Variants in OPCML observed in about 807,000 individuals in gnomAD.
OPCML encodes the protein opioid-binding protein/cell adhesion molecule.
A neutral mutation model predicts 37.8 loss-of-function variants in OPCML; 13 were observed. The observed-to-expected ratio is 0.34, with a 90% CI of 0.22 to 0.55. The LOEUF is 0.55. Among genes scored for constraint, OPCML ranks in the 20% least tolerant of loss-of-function variants. The pLI is 0.91. For synonymous variants in OPCML, 176 were observed against 168.8 expected (o/e 1.04, Z -0.33); for missense variants, 341 against 435.6 (o/e 0.78, Z 1.93).
At chr11:132,507,926 A>C (rs2096260900) in intron 4 of OPCML, among the ~76,000 whole-genome samples, 1 of 152,142 alleles carries the variant, frequency 6.6e-6, no homozygotes, top group South Asian at 2.1e-4. Flanking sequence ...GGGAAAAAAT[A>C]ATATGACTAT....
chr11:133,259,105 C>T (rs936967355), intron 1 of OPCML, among the ~76,000 whole-genome samples: 18 of 152,218 alleles, frequency 1.2e-4, no homozygotes, highest in African/African-American at 3.9e-4. Flanking sequence ...ATTGTTCAAC[C>T]TTTCCTACCT....
chr11:133,463,463 T>C (rs1946906172), intron 1 of OPCML, among the ~76,000 whole-genome samples: 1 of 152,194 alleles, frequency 6.6e-6, no homozygotes, highest in Non-Finnish European at 1.5e-5. Flanking sequence ...ACAACATTAT[T>C]TTAAGGGCTT....
intron 2 of OPCML, among the ~76,000 whole-genome samples, chr11:132,893,959 G>A (rs114257031): frequency 0.016 from 2,456 of 152,146 alleles, 74 homozygotes; most frequent in African/African-American, 0.056. Flanking sequence ...CTAAAGATGC[G>A]TCTTTACATC....
At chr11:133,189,531 T>C (rs1938220021) in intron 1 of OPCML, among the ~76,000 whole-genome samples, 1 of 152,232 alleles carries the variant, frequency 6.6e-6, no homozygotes. Flanking sequence ...TCCATTGTTA[T>C]AAATACTGGA....
chr11:132,914,675 G>A (rs1012526941), intron 2 of OPCML, among the ~76,000 whole-genome samples: 1 of 152,132 alleles, frequency 6.6e-6, no homozygotes, highest in South Asian at 2.1e-4. Context: ...CCAGGATGTC[G>A]AACTGCCTGT....
intron 1 of OPCML, among the ~76,000 whole-genome samples, chr11:133,138,772 C>G (rs1314368706): frequency 6.6e-6 from 1 of 152,060 alleles, no homozygotes; most frequent in East Asian, 1.9e-4. Flanking sequence ...CTCTAAGACC[C>G]TCAGATGGTC....
intron 2 of OPCML, among the ~76,000 whole-genome samples, chr11:132,803,271 A>G (rs1353853106): frequency 6.6e-6 from 1 of 152,204 alleles, no homozygotes; most frequent in African/African-American, 2.4e-5. Flanking sequence ...AAGAAAATCA[A>G]TGCACATGTG....
intron 1 of OPCML, among the ~76,000 whole-genome samples, chr11:133,251,693 G>A (rs963209965): frequency 6.6e-6 from 1 of 152,110 alleles, no homozygotes; most frequent in African/African-American, 2.4e-5. Context: ...GTATCAAAGA[G>A]TCTGTCAAAA....
At chr11:133,119,344 C>T (rs1202832360) in intron 1 of OPCML, among the ~76,000 whole-genome samples, 3 of 151,328 alleles carry the variant, frequency 2.0e-5, no homozygotes, top group Non-Finnish European at 4.4e-5. Flanking sequence ...TTCAAATATA[C>T]ATTTGGAATT....
At chr11:133,345,844 G>A (rs1943989559) in intron 1 of OPCML, among the ~76,000 whole-genome samples, 1 of 152,096 alleles carries the variant, frequency 6.6e-6, no homozygotes, top group South Asian at 2.1e-4. Flanking sequence ...GGTCCTTTCT[G>A]TCTGATACAC....
At chr11:132,562,980 T>C (rs1055267670) in intron 3 of OPCML, among the ~76,000 whole-genome samples, 2 of 152,194 alleles carry the variant, frequency 1.3e-5, no homozygotes, top group Non-Finnish European at 2.9e-5. Context: ...TAGGCAATGT[T>C]ACTCCATAAA....
chr11:133,032,723 G>A (rs1947697831), intron 1 of OPCML, among the ~76,000 whole-genome samples: 1 of 152,188 alleles, frequency 6.6e-6, no homozygotes, highest in Non-Finnish European at 1.5e-5. Flanking sequence ...GAATCTAACT[G>A]AGCAGCCCCC....
intron 2 of OPCML, among the ~76,000 whole-genome samples, chr11:132,762,419 T>C (rs3019861): frequency 0.78 from 119,342 of 152,204 alleles, 47,839 homozygotes; most frequent in East Asian, 0.97. Flanking sequence ...ATAGCTGCTC[T>C]TTCCCCCAGG....
intron 3 of OPCML, among the ~76,000 whole-genome samples, chr11:132,600,289 T>A (rs1937761833): frequency 6.6e-6 from 1 of 152,226 alleles, no homozygotes. Context: ...GTGGATATCT[T>A]TAACCAAATG....
chr11:133,293,136 G>C (rs1207563157), intron 1 of OPCML, among the ~76,000 whole-genome samples: 1 of 152,128 alleles, frequency 6.6e-6, no homozygotes, highest in Non-Finnish European at 1.5e-5. Flanking sequence ...ATTGTTTTTA[G>C]ATCTGGGTAG....
At chr11:133,498,517 C>T (rs575624332) in intron 1 of OPCML, among the ~76,000 whole-genome samples, 3 of 152,294 alleles carry the variant, frequency 2.0e-5, no homozygotes, top group Admixed American at 1.3e-4. Flanking sequence ...CAGCCTTCCT[C>T]GCACCATCTG....
intron 1 of OPCML, among the ~76,000 whole-genome samples, chr11:133,490,534 G>A (rs769016363): frequency 1.3e-5 from 2 of 152,160 alleles, no homozygotes; most frequent in Non-Finnish European, 2.9e-5. Context: ...CAATGAAAGT[G>A]AGAATCCCAA....
At chr11:133,325,461 A>G (rs990940040) in intron 1 of OPCML, among the ~76,000 whole-genome samples, 10 of 152,218 alleles carry the variant, frequency 6.6e-5, no homozygotes, top group African/African-American at 2.4e-4. Flanking sequence ...ACAAAACTCT[A>G]TTCCCACTGA....
chr11:132,574,156 G>A (rs758213682), intron 3 of OPCML, among the ~76,000 whole-genome samples: 11 of 144,560 alleles, frequency 7.6e-5, no homozygotes, highest in Admixed American at 3.4e-4. Context: ...GTTAATTTTG[G>A]TTATCTTTTT....
Sources: gnomAD v4.1 joint callset for allele counts (sites outside exome capture counted in the v4.1 genomes callset) on GRCh38, gnomAD v4.1.1 for gene constraint, MANE v1.5 for transcripts, NCBI Gene and HGNC (gene_info 2026-07-23, HGNC 2026-07-21) for gene names.